The following LRRTM3 variants were observed in gnomAD, a reference collection of about 807,000 sequenced individuals.
LRRTM3 encodes leucine-rich repeat transmembrane neuronal protein 3.
Under a neutral mutation model 44.7 loss-of-function variants are expected in LRRTM3, and 24 were observed. That is an observed-to-expected ratio of 0.54 (90% CI 0.39 to 0.76). The LOEUF (loss-of-function observed/expected upper bound fraction) is 0.76. LRRTM3 is among the 30% of genes least tolerant of loss of function. The probability of loss-of-function intolerance (pLI) is 0.00; values close to 1 mark genes in which losing one functional copy is unlikely to be tolerated. For missense variants in LRRTM3, 587 were observed against 702.2 expected, an observed-to-expected ratio of 0.84 and a Z score of 1.85; for synonymous variants, 277 against 278.7, an observed-to-expected ratio of 0.99 and a Z score of 0.06.
At chr10:67,077,014 C>G (rs940906550) in intron 2 of LRRTM3, among the ~76,000 whole-genome samples, 1 of 152,144 alleles carries the variant, frequency 6.6e-6, no homozygotes, top group African/African-American at 2.4e-5. Context: ...CAGGCAACGC[C>G]CCCAACATGA....
intron 2 of LRRTM3, among the ~76,000 whole-genome samples, chr10:67,030,601 G>C (rs1409732116): frequency 1.3e-5 from 2 of 151,896 alleles, no homozygotes; most frequent in Non-Finnish European, 2.9e-5. Context: ...ATCTGATTTT[G>C]CATATTTTCA....
At chr10:67,061,372 T>G (rs1855746643) in intron 2 of LRRTM3, among the ~76,000 whole-genome samples, 1 of 152,306 alleles carries the variant, frequency 6.6e-6, no homozygotes, top group East Asian at 1.9e-4. Context: ...TAGAAACGTT[T>G]GGTTCATCAG....
In LRRTM3 at chr10:67,098,584, T is replaced by G. The variant is rs917017630; in HGVS notation, c.*788T>G. 6.6e-5 allele frequency: 10 copies of G among 152,336 alleles called. No homozygotes were observed. The highest frequency in any genetic ancestry group is 2.4e-4 in the African/African-American group (10 of 41,402). The allele number at this position is 152,336 out of a possible 1,614,324, so 9.4% of individuals were successfully genotyped here. A position where few individuals can be genotyped will look rare whatever the true frequency, so the allele number is the denominator to read the frequency against. Reference sequence around the variant, plus strand: ...AGGGATATTTTAACATATTTCCGAATGAATGACTCATTATTTCATTCTTTT... The same window carrying G: ...AGGGATATTTTAACATATTTCCGAAGGAATGACTCATTATTTCATTCTTTT... On this transcript the variant is annotated 3_prime_UTR_variant, in exon 3 of 3. Transcript: ENST00000361320.
At chr10:67,000,424 T>C (rs189215021) in intron 2 of LRRTM3, among the ~76,000 whole-genome samples, 6 of 152,298 alleles carry the variant, frequency 3.9e-5, no homozygotes, top group Admixed American at 3.3e-4. Flanking sequence ...GATCTACTTA[T>C]TGTGATGATG....
intron 2 of LRRTM3, among the ~76,000 whole-genome samples, chr10:67,042,676 T>C (rs1854477356): frequency 6.6e-6 from 1 of 150,592 alleles, no homozygotes; most frequent in African/African-American, 2.4e-5. Context: ...AAGGTAAGAG[T>C]GGGGAAACTA....
At chr10:67,089,456 T>C (rs573181348) in intron 2 of LRRTM3, among the ~76,000 whole-genome samples, 1 of 151,924 alleles carries the variant, frequency 6.6e-6, no homozygotes, top group Non-Finnish European at 1.5e-5. Flanking sequence ...CAATTAACCA[T>C]TGGAATGCTA....
At chr10:67,075,864 C>T (rs1246405326) in intron 2 of LRRTM3, among the ~76,000 whole-genome samples, 1 of 152,208 alleles carries the variant, frequency 6.6e-6, no homozygotes, top group Non-Finnish European at 1.5e-5. Flanking sequence ...AAAATCTGAG[C>T]TTTCAATCAA....
At chr10:67,087,656 T>C (rs546442192) in intron 2 of LRRTM3, among the ~76,000 whole-genome samples, 28 of 152,122 alleles carry the variant, frequency 1.8e-4, no homozygotes, top group African/African-American at 6.5e-4. Flanking sequence ...ATCATTAGTG[T>C]GGATTTCTGC....
At chr10:67,079,262 C>T (rs1231538855) in intron 2 of LRRTM3, among the ~76,000 whole-genome samples, 2 of 152,168 alleles carry the variant, frequency 1.3e-5, no homozygotes, top group African/African-American at 2.4e-5. Context: ...GGGGAAGAGT[C>T]CTAGGAATTT....
rs535338210 is a variant in LRRTM3 at position 67,067,866 on chromosome 10, G to A, written c.1537-29721G>A. Among the ~76,000 whole-genome samples the A allele has an allele frequency of 8.5e-5, 13 of 152,228 alleles. No individual in the cohort carries two copies. In the South Asian group the frequency reaches 1.9e-3, roughly 22 times the overall value. On this transcript the variant is annotated intron_variant, in intron 2 of 2. Transcript: ENST00000361320. ...ATAAATGCAATGAAATATGACAAACGCTTGGCTGAAAGTATGTACAGGGTC... is the reference window on the plus strand; with the variant it reads ...ATAAATGCAATGAAATATGACAAACACTTGGCTGAAAGTATGTACAGGGTC...
intron 2 of LRRTM3, among the ~76,000 whole-genome samples, chr10:67,078,654 T>C (rs571960746): frequency 1.3e-5 from 2 of 152,022 alleles, no homozygotes; most frequent in Admixed American, 6.6e-5. Context: ...GTAGCTGGGA[T>C]TACAGGCACC....
intron 2 of LRRTM3, among the ~76,000 whole-genome samples, chr10:67,029,646 A>G (rs1335845780): frequency 6.6e-6 from 1 of 152,222 alleles, no homozygotes; most frequent in Non-Finnish European, 1.5e-5. Flanking sequence ...CATTGCCTTT[A>G]AAAATAAATT....
chr10:67,052,910 A>G (rs1171906739), intron 2 of LRRTM3, among the ~76,000 whole-genome samples: 1 of 152,240 alleles, frequency 6.6e-6, no homozygotes, highest in Admixed American at 6.5e-5. Flanking sequence ...AGCTGAAGCA[A>G]TAATAGTACT....
At chr10:67,066,195 CTT>C (rs71006118) in intron 2 of LRRTM3, among the ~76,000 whole-genome samples, 8 of 123,058 alleles carry the variant, frequency 6.5e-5, no homozygotes, top group Admixed American at 8.4e-5. Context: ...AAGTCACTGG[CTT>C]TTTTTTTTTT....
intron 2 of LRRTM3, among the ~76,000 whole-genome samples, chr10:66,997,229 A>G (rs1851404944): frequency 6.6e-6 from 1 of 152,212 alleles, no homozygotes; most frequent in African/African-American, 2.4e-5. Flanking sequence ...TGTGACTCAC[A>G]TATCCTATTC....
intron 2 of LRRTM3, among the ~76,000 whole-genome samples, chr10:67,044,185 A>C (rs1422384647): frequency 1.3e-5 from 2 of 152,138 alleles, no homozygotes; most frequent in African/African-American, 2.4e-5. Flanking sequence ...ATAAGTGAGA[A>C]CATGTAATAT....
intron 2 of LRRTM3, among the ~76,000 whole-genome samples, chr10:67,042,928 C>T (rs1348112307): frequency 3.9e-5 from 6 of 151,944 alleles, no homozygotes; most frequent in Non-Finnish European, 2.9e-5. Context: ...TATATTCGAA[C>T]GCTATAAAAG....
chr10:67,059,342 G>A (rs1411481358), intron 2 of LRRTM3, among the ~76,000 whole-genome samples: 6 of 152,050 alleles, frequency 3.9e-5, no homozygotes, highest in Non-Finnish European at 8.8e-5. Flanking sequence ...CAGAGAAAAA[G>A]CAAAATAATA....
intron 2 of LRRTM3, among the ~76,000 whole-genome samples, chr10:66,969,048 T>C (rs1288669580): frequency 6.6e-6 from 1 of 151,856 alleles, no homozygotes; most frequent in African/African-American, 2.4e-5. Context: ...AAATATTATA[T>C]GTAAATATAT....
Sources: allele counts gnomAD v4.1 joint callset (sites outside exome capture counted in the v4.1 genomes callset), GRCh38; gene constraint gnomAD v4.1.1; transcripts MANE v1.5; gene names NCBI Gene and HGNC (gene_info 2026-07-23, HGNC 2026-07-21).